MROH9: variants seen among roughly 807,000 people sequenced by gnomAD.
MROH9 encodes maestro heat like repeat family member 9.
MROH9 carries 92 observed loss-of-function variants against 98.2 expected under a neutral mutation model. That is an observed-to-expected ratio of 0.94 (90% CI 0.79 to 1.11). The LOEUF (loss-of-function observed/expected upper bound fraction) is 1.11, where lower values mean the gene tolerates loss of function less well. MROH9 is among the 50% of genes most tolerant of loss of function. The probability of loss-of-function intolerance (pLI) is 0.00; values close to 1 mark genes in which losing one functional copy is unlikely to be tolerated. For missense variants in MROH9, 1,057 were observed against 1,014.8 expected, an observed-to-expected ratio of 1.04 and a Z score of -0.57; for synonymous variants, 397 against 368.9, an observed-to-expected ratio of 1.08 and a Z score of -0.87.
chr1:170,947,484 C>T (rs762315534), intron 2 of MROH9, 43 bp from the exon 3 acceptor site: 4 of 1,552,526 alleles, frequency 2.6e-6, no homozygotes, highest in Admixed American at 3.4e-5. Flanking sequence ...TGATAGGAGT[C>T]TATGTTCATT....
At chr1:171,003,342 G>A (rs907267700) in intron 15 of MROH9, among the ~76,000 whole-genome samples, 2 of 152,158 alleles carry the variant, frequency 1.3e-5, no homozygotes, top group Admixed American at 6.6e-5. Context: ...ACCAGGTTTG[G>A]TTTTCTGGTT....
At chr1:171,025,255 G>A (rs1359477827) in intron 19 of MROH9, 63 bp from the exon 20 acceptor site, 3 of 1,042,338 alleles carry the variant, frequency 2.9e-6, no homozygotes, top group South Asian at 1.4e-5. Flanking sequence ...AAGCCTTTCT[G>A]GAGGGAGCAA....
chr1:170,994,626 CTTTA>C (rs140534409), intron 12 of MROH9, among the ~76,000 whole-genome samples: 6,914 of 152,162 alleles, frequency 0.045, 225 homozygotes, highest in Non-Finnish European at 0.068. Context: ...CAATTACACT[CTTTA>C]TTTAAAAATA....
rs143213593 is a variant in MROH9, at chr1:171,023,324, G to A, written c.1909-1071G>A. Among the ~76,000 whole-genome samples, 624 of 152,258 alleles carry A rather than the reference G, an allele frequency of 4.1e-3. 8 individuals carry two copies. Among genetic ancestry groups the A allele is most frequent in the African/African-American group, 0.014 (586 of 41,556 alleles). ...CCAATTACCTTCCTATTTGGCATAA[G>A]TAGCCTTTGAAAACCTGGTTGTATG... On this transcript the variant is annotated intron_variant, in intron 17 of 21. Transcript: ENST00000367759.
At chr1:170,958,089 G>A (rs1017848597) in intron 3 of MROH9, among the ~76,000 whole-genome samples, 1 of 152,022 alleles carries the variant, frequency 6.6e-6, no homozygotes, top group Non-Finnish European at 1.5e-5. Flanking sequence ...GATTACAGGC[G>A]TGAGCCACCA....
chr1:171,043,259 T>G (rs2421638), intron 20 of MROH9, among the ~76,000 whole-genome samples: 32,753 of 151,976 alleles, frequency 0.22, 5,559 homozygotes, highest in African/African-American at 0.48. Flanking sequence ...TATGTTCTTG[T>G]CATCTTTGTC....
intron 21 of MROH9, among the ~76,000 whole-genome samples, chr1:171,063,792 C>T (rs1320816104): frequency 2.6e-5 from 4 of 152,130 alleles, no homozygotes; most frequent in Non-Finnish European, 4.4e-5. Context: ...CAATATGAAC[C>T]TCTTCCTAAA....
intron 15 of MROH9, 62 bp downstream of exon 15, chr1:170,998,336 C>T (rs1248292825): frequency 1.2e-6 from 2 of 1,612,580 alleles, no homozygotes; most frequent in African/African-American, 2.7e-5. Context: ...AAATTTAAAT[C>T]AAAATTCCAG....
At chr1:170,967,008 C>T (rs1650259217) in intron 7 of MROH9, among the ~76,000 whole-genome samples, 1 of 152,180 alleles carries the variant, frequency 6.6e-6, no homozygotes, top group African/African-American at 2.4e-5. Context: ...ACTCAAGTAG[C>T]AGATAGGCAT....
chr1:171,023,671 T>C (rs1471966548), intron 17 of MROH9, among the ~76,000 whole-genome samples: 1 of 152,228 alleles, frequency 6.6e-6, no homozygotes, highest in Admixed American at 6.5e-5. Flanking sequence ...TACAATACGT[T>C]TTGATATAGG....
chr1:170,937,769 C>T (rs1243331727), intron 1 of MROH9, among the ~76,000 whole-genome samples: 7 of 151,934 alleles, frequency 4.6e-5, no homozygotes, highest in African/African-American at 7.3e-5. Flanking sequence ...GTGATCCGCC[C>T]GCCTCGGCCT....
rs1015815999 is a variant in MROH9 at position 171,024,553 on chromosome 1, T to C, written c.2061+6T>C. ...ATGATAAAAGAGTAGCTGAAGTAAG[T>C]CATTTGATCTTCTTTTTCATAAATT... On this transcript the variant is annotated splice_donor_region_variant and intron_variant, in intron 18 of 21. Coordinates refer to ENST00000367759, the MANE Select transcript of MROH9 (RefSeq NM_001163629.2). The C allele has an allele frequency of 6.6e-7, 1 of 1,525,110 alleles. No homozygotes were observed. Among genetic ancestry groups the C allele is most frequent in the Admixed American group, 2.2e-5 (1 of 45,812 alleles). 94.5% of individuals were successfully genotyped at this position (1,525,110 alleles called of 1,614,324 possible). A position where few individuals can be genotyped will look rare whatever the true frequency, so the allele number is the denominator to read the frequency against.
Position 171,034,834 on chromosome 1 carries a change from C to A in MROH9, c.2281+9414C>A, listed in dbSNP as rs567330975. Among the ~76,000 whole-genome samples, 30 of 152,302 alleles carry A rather than the reference C, an allele frequency of 2.0e-4. 1 individual carries two copies. The highest frequency in any genetic ancestry group is 7.2e-4 in the African/African-American group (30 of 41,564). On this transcript the variant is annotated intron_variant, in intron 20 of 21. Coordinates refer to ENST00000367759, the MANE Select transcript of MROH9 (RefSeq NM_001163629.2). ...CTACAGAATTTTAGATAGTCTGTTACTCATTCAAGGAAAGACAAACAGACC... is the reference window on the plus strand; with the variant it reads ...CTACAGAATTTTAGATAGTCTGTTAATCATTCAAGGAAAGACAAACAGACC...
At chr1:170,994,674 A>G (rs966880873) in intron 12 of MROH9, among the ~76,000 whole-genome samples, 1 of 152,140 alleles carries the variant, frequency 6.6e-6, no homozygotes, top group Non-Finnish European at 1.5e-5. Flanking sequence ...CTGTTGTGCT[A>G]TCAAATAATC....
intron 20 of MROH9, among the ~76,000 whole-genome samples, chr1:171,048,424 C>T (rs151013187): frequency 2.0e-5 from 3 of 152,252 alleles, no homozygotes; most frequent in Admixed American, 6.5e-5. Flanking sequence ...CTTGTAGCCA[C>T]GACCATCCCA....
At chr1:170,949,267 A>G (rs920316892) in intron 3 of MROH9, among the ~76,000 whole-genome samples, 1 of 152,022 alleles carries the variant, frequency 6.6e-6, no homozygotes, top group African/African-American at 2.4e-5. Flanking sequence ...CACTTCCACA[A>G]GTTGTGGAAA....
At chr1:170,978,119 C>A (rs2101793875) in intron 8 of MROH9, among the ~76,000 whole-genome samples, 1 of 152,222 alleles carries the variant, frequency 6.6e-6, no homozygotes, top group African/African-American at 2.4e-5. Context: ...TTCCAAGAAA[C>A]ATGGAGCTGC....
At chr1:170,964,775 A>G (rs1650165557) in intron 6 of MROH9, among the ~76,000 whole-genome samples, 1 of 152,094 alleles carries the variant, frequency 6.6e-6, no homozygotes, top group Admixed American at 6.6e-5. Flanking sequence ...TTTAAAGCTG[A>G]AAGGCAGATT....
At chr1:170,980,436 A>G (rs1448258650) in intron 8 of MROH9, among the ~76,000 whole-genome samples, 1 of 152,154 alleles carries the variant, frequency 6.6e-6, no homozygotes, top group Non-Finnish European at 1.5e-5. Context: ...AGACCAATGC[A>G]ACATAACAGA....
Sources: gnomAD v4.1 joint callset for allele counts (sites outside exome capture counted in the v4.1 genomes callset) on GRCh38, gnomAD v4.1.1 for gene constraint, MANE v1.5 for transcripts, NCBI Gene and HGNC (gene_info 2026-07-23, HGNC 2026-07-21) for gene names.